NREP: variants seen among roughly 807,000 people sequenced by gnomAD.
NREP encodes neuronal regeneration-related protein.
NREP carries 5 observed loss-of-function variants against 8.6 expected under a neutral mutation model. The ratio of observed to expected loss-of-function variants is 0.58; its 90% CI spans 0.30 to 1.22. The LOEUF is 1.22. Ranked by LOEUF, NREP falls within the 50% of genes most tolerant of loss-of-function variation. The pLI is 0.07. For missense variants in NREP, 86 were observed against 82.5 expected (o/e 1.04, Z -0.17); for synonymous variants, 27 against 28.0 (o/e 0.96, Z 0.11).
chr5:111,969,765 AGAG>A (rs1418839119), intron 2 of NREP, among the ~76,000 whole-genome samples: 14 of 152,186 alleles, frequency 9.2e-5, no homozygotes, highest in Non-Finnish European at 1.6e-4. Flanking sequence ...TAAGTCCTAG[AGAG>A]GAGATTAGAA....
At chr5:111,877,902 A>G (rs912490918) in intron 2 of NREP, among the ~76,000 whole-genome samples, 2 of 152,250 alleles carry the variant, frequency 1.3e-5, no homozygotes, top group African/African-American at 4.8e-5. Flanking sequence ...ACACTGGAGT[A>G]TGGCATCCCC....
intron 2 of NREP, among the ~76,000 whole-genome samples, chr5:111,847,976 C>T (rs924122955): frequency 3.3e-5 from 5 of 152,148 alleles, no homozygotes; most frequent in Non-Finnish European, 5.9e-5. Flanking sequence ...TTCAAGACCA[C>T]GCAGGACCTA....
chr5:111,886,316 G>T (rs1754247335), intron 2 of NREP, among the ~76,000 whole-genome samples: 1 of 152,114 alleles, frequency 6.6e-6, no homozygotes. Flanking sequence ...AAAAAGTCAG[G>T]AAACAACAGG....
chr5:111,871,404 T>A (rs913990723), intron 2 of NREP, among the ~76,000 whole-genome samples: 1 of 152,158 alleles, frequency 6.6e-6, no homozygotes, highest in African/African-American at 2.4e-5. Context: ...GGACTAGAAG[T>A]TGCTCTGGGT....
intron 2 of NREP, among the ~76,000 whole-genome samples, chr5:111,862,700 ACAG>A (rs1753576962): frequency 1.3e-5 from 2 of 152,220 alleles, no homozygotes; most frequent in African/African-American, 4.8e-5. Context: ...TTCTGGGAAC[ACAG>A]CAGTGAACAT....
At chr5:111,813,031 G>A (rs1752304343) in intron 2 of NREP, among the ~76,000 whole-genome samples, 1 of 152,070 alleles carries the variant, frequency 6.6e-6, no homozygotes, top group African/African-American at 2.4e-5. Context: ...ACACTATACT[G>A]GATTTTATCT....
At position 111,735,417 on chromosome 5, in the gene NREP, C is replaced by T; in HGVS notation, c.81+13G>A. On this transcript the variant is annotated intron_variant, in intron 3 of 3. Transcript: ENST00000257435. ...GAAAATAGTGTTAACAATATGGCAT[C>T]TAAGGATCTTACCTTAGGAAGCCTT... The T allele has an allele frequency of 6.3e-7, 1 of 1,582,022 alleles. No homozygotes were observed. The highest frequency in any genetic ancestry group is 8.7e-7 in the Non-Finnish European group (1 of 1,151,532).
intron 2 of NREP, among the ~76,000 whole-genome samples, chr5:111,868,915 G>C (rs889037910): frequency 5.9e-5 from 9 of 151,800 alleles, no homozygotes; most frequent in African/African-American, 1.9e-4. Context: ...TTAGCAACAT[G>C]AATTGCAAGT....
rs1748788671 is a variant in NREP at position 111,733,384 on chromosome 5, TGGAGAGAGGTGCTC to T, written c.81+2032_81+2045del. On this transcript the variant is annotated intron_variant, in intron 3 of 3. Coordinates refer to ENST00000257435, the MANE Select transcript of NREP (RefSeq NM_004772.4). ...GAGGGCCTGGAGCCCACCATGCCCG[TGGAGAGAGGTGCTC>T]CTGAGGAGACAGAGTTCTGTGCGTT... is the stretch of plus-strand genomic sequence containing the variant. 1.7e-4 allele frequency: 26 copies of T among 152,308 alleles called. 1 individual carries two copies. The South Asian group carries it at 5.2e-3, about 30-fold the overall frequency. 9.4% of individuals were successfully genotyped at this position (152,308 alleles called of 1,614,324 possible).
chr5:111,791,603 G>A (rs557930832), intron 2 of NREP, among the ~76,000 whole-genome samples: 141 of 152,114 alleles, frequency 9.3e-4, no homozygotes, highest in African/African-American at 3.2e-3. Flanking sequence ...TCAGCCTCCC[G>A]AGTAGCTGGG....
At chr5:111,790,963 G>T (rs1357667501) in intron 2 of NREP, among the ~76,000 whole-genome samples, 2 of 152,128 alleles carry the variant, frequency 1.3e-5, no homozygotes, top group African/African-American at 4.8e-5. Flanking sequence ...CCAACTGTGG[G>T]ACTTAAATAT....
chr5:111,849,390 T>A (rs879547648), intron 2 of NREP, among the ~76,000 whole-genome samples: 2 of 151,996 alleles, frequency 1.3e-5, no homozygotes, highest in Non-Finnish European at 2.9e-5. Flanking sequence ...TAAAGAGAGG[T>A]GAGTCTTCAA....
intron 2 of NREP, among the ~76,000 whole-genome samples, chr5:111,794,680 G>T (rs537203055): frequency 6.6e-6 from 1 of 152,196 alleles, no homozygotes; most frequent in Non-Finnish European, 1.5e-5. Flanking sequence ...GGTAAGAGGT[G>T]AGAGGGATGA....
intron 2 of NREP, among the ~76,000 whole-genome samples, chr5:111,853,681 CT>C (rs1009822755): frequency 9.4e-5 from 14 of 149,178 alleles, no homozygotes; most frequent in East Asian, 1.9e-4. Context: ...TTTCTTTCTT[CT>C]TTTTTTTTTC....
chr5:111,823,253 A>C (rs1350010879), intron 2 of NREP, among the ~76,000 whole-genome samples: 1 of 152,166 alleles, frequency 6.6e-6, no homozygotes, highest in Non-Finnish European at 1.5e-5. Flanking sequence ...TTCATGAGAG[A>C]TACAACCCCA....
intron 2 of NREP, among the ~76,000 whole-genome samples, chr5:111,735,821 G>GT (rs1561632323): frequency 1.3e-5 from 2 of 152,240 alleles, no homozygotes; most frequent in East Asian, 3.9e-4. Flanking sequence ...TCATCGGGGA[G>GT]GTCTAACTTT....
chr5:111,882,201 G>A (rs981822513), intron 2 of NREP, among the ~76,000 whole-genome samples: 34 of 152,184 alleles, frequency 2.2e-4, no homozygotes, highest in Admixed American at 7.2e-4. Context: ...CTCAGGAGCC[G>A]ATGTGATCAA....
At chr5:111,898,185 G>A (rs1397048716) in intron 2 of NREP, among the ~76,000 whole-genome samples, 1 of 152,160 alleles carries the variant, frequency 6.6e-6, no homozygotes, top group Non-Finnish European at 1.5e-5. Flanking sequence ...CAATCTGGCT[G>A]TTACGTTGAG....
At chr5:111,914,033 T>C (rs769884781) in intron 2 of NREP, among the ~76,000 whole-genome samples, 2 of 152,118 alleles carry the variant, frequency 1.3e-5, no homozygotes, top group Non-Finnish European at 2.9e-5. Context: ...TATGAGTCAA[T>C]TTAGTAGATA....
Sources: allele counts gnomAD v4.1 joint callset (sites outside exome capture counted in the v4.1 genomes callset), GRCh38; gene constraint gnomAD v4.1.1; transcripts MANE v1.5; gene names NCBI Gene and HGNC (gene_info 2026-07-23, HGNC 2026-07-21).